OIT3: variants seen among roughly 807,000 people sequenced by gnomAD.
OIT3 encodes oncoprotein induced transcript 3, also known as oncoprotein-induced transcript 3 protein.
In OIT3, 41 loss-of-function variants were observed where a neutral mutation model predicts 52.2. That is an observed-to-expected ratio of 0.79 (90% CI 0.61 to 1.02). OIT3 has a LOEUF of 1.02. Among genes scored for constraint, OIT3 ranks in the 50% least tolerant of loss-of-function variants. The pLI, the probability that OIT3 is intolerant of heterozygous loss-of-function variation, is 0.00. For synonymous variants in OIT3, 244 were observed against 276.9 expected, an observed-to-expected ratio of 0.88 and a Z score of 1.18; for missense variants, 634 against 715.5, an observed-to-expected ratio of 0.89 and a Z score of 1.30.
At chr10:72,900,282 C>T (rs1423102909) in intron 2 of OIT3, 95 bp from the exon 3 acceptor site, 4 of 692,306 alleles carry the variant, frequency 5.8e-6, no homozygotes, top group Non-Finnish European at 1.0e-5. Flanking sequence ...CATAGGGATA[C>T]CACCCCCCCC....
intron 6 of OIT3, 77 bp downstream of exon 6, chr10:72,913,545 T>C (rs1846049240): frequency 8.7e-7 from 1 of 1,143,066 alleles, no homozygotes; most frequent in Admixed American, 1.8e-5. Context: ...AGGTATGCCA[T>C]GTGGCTTGTG....
intron 4 of OIT3, among the ~76,000 whole-genome samples, chr10:72,909,117 CTTT>C (rs35778299): frequency 3.6e-5 from 4 of 111,724 alleles, no homozygotes; most frequent in Admixed American, 9.3e-5. Flanking sequence ...TTCCCAGTGT[CTTT>C]TTTTTTTTTT....
rs558820058 is a variant in OIT3, at chr10:72,922,940, A to G, written c.952-1289A>G. 2.6e-5 allele frequency among the ~76,000 whole-genome samples: 4 copies of G among 152,062 alleles called. No individual in the cohort carries two copies. The East Asian group carries it at 7.7e-4, about 29-fold the overall frequency. On this transcript the variant is annotated intron_variant, in intron 6 of 8. Transcript: ENST00000334011. Reference sequence around the variant, plus strand: ...ACCCAGGCTGGAGTGCAGTGGTGCAATCTCAGCTCACTGCAACCTTTGTCT... The same window carrying G: ...ACCCAGGCTGGAGTGCAGTGGTGCAGTCTCAGCTCACTGCAACCTTTGTCT...
At chr10:72,930,485 T>C in intron 7 of OIT3, 53 bp from the exon 8 acceptor site, 1 of 1,342,744 alleles carries the variant, frequency 7.4e-7, no homozygotes, top group Non-Finnish European at 1.1e-6. Context: ...TAGATTGTTT[T>C]TCCACCTCTG....
intron 6 of OIT3, chr10:72,917,917 T>C: frequency 8.8e-7 from 1 of 1,137,594 alleles, no homozygotes; most frequent in Non-Finnish European, 1.3e-6. Context: ...TGTACATTTT[T>C]GGCTGGAGTA....
chr10:72,917,211 C>T (rs1554831963), intron 6 of OIT3, among the ~76,000 whole-genome samples: 1 of 152,018 alleles, frequency 6.6e-6, no homozygotes, highest in Non-Finnish European at 1.5e-5. Flanking sequence ...TTGCTTTTGG[C>T]ATCTTCATCA....
chr10:72,924,455 T>G lies in OIT3; in HGVS notation c.1178T>G (p.Ile393Ser). The G allele has an allele frequency of 1.2e-6, 2 of 1,614,114 alleles. No individual in the cohort carries two copies. The highest frequency in any genetic ancestry group is 8.5e-7 in the Non-Finnish European group (1 of 1,179,988). Residue 393 changes from isoleucine (I) to serine (S), a missense_variant, in exon 7 of 9, where the codon ATC becomes AGC. Transcript: ENST00000334011. ...GGGATCTTCCCATTCACTCTGGAGA[T>G]CTTCAAGGACAATGAGTTTGAAGAG... ...NHGIFPFTLE[I>S]FKDNEFEEPY... is the part of the protein sequence containing the mutation.
intron 1 of OIT3, among the ~76,000 whole-genome samples, chr10:72,898,454 C>A (rs1845896778): frequency 6.6e-6 from 1 of 152,290 alleles, no homozygotes; most frequent in East Asian, 1.9e-4. Context: ...TAACACTTAA[C>A]TTTAGGTTTG....
intron 7 of OIT3, among the ~76,000 whole-genome samples, chr10:72,929,931 C>G (rs748019747): frequency 2.0e-5 from 3 of 152,122 alleles, no homozygotes; most frequent in Non-Finnish European, 2.9e-5. Context: ...CCCCAAAACC[C>G]TATCAAACTG....
At chr10:72,906,891 C>A (rs1352620771) in intron 4 of OIT3, among the ~76,000 whole-genome samples, 173 bp downstream of exon 4, 1 of 152,166 alleles carries the variant, frequency 6.6e-6, no homozygotes, top group East Asian at 1.9e-4. Context: ...GGACAGAATT[C>A]AGTTTTGATT....
intron 5 of OIT3, among the ~76,000 whole-genome samples, chr10:72,912,792 G>A (rs1846040438): frequency 1.3e-5 from 2 of 152,124 alleles, no homozygotes; most frequent in South Asian, 4.1e-4. Context: ...AAGGTAAAGT[G>A]GTGAAATTTA....
intron 6 of OIT3, among the ~76,000 whole-genome samples, chr10:72,913,888 A>C (rs752992923): frequency 6.6e-6 from 1 of 152,254 alleles, no homozygotes; most frequent in Non-Finnish European, 1.5e-5. Flanking sequence ...TCATCCAAAA[A>C]TCTGCACACA....
intron 6 of OIT3, among the ~76,000 whole-genome samples, chr10:72,922,739 G>A (rs1018058765): frequency 2.0e-5 from 3 of 152,160 alleles, no homozygotes; most frequent in South Asian, 4.2e-4. Flanking sequence ...GTGGTGATGC[G>A]GTCATTTGGA....
chr10:72,929,082 C>G (rs1007720912), intron 7 of OIT3, among the ~76,000 whole-genome samples: 2 of 151,954 alleles, frequency 1.3e-5, no homozygotes, highest in East Asian at 3.9e-4. Flanking sequence ...TGGCACACAC[C>G]TATAATCCCA....
At chr10:72,903,864 G>C (rs1432015327) in intron 3 of OIT3, among the ~76,000 whole-genome samples, 4 of 151,882 alleles carry the variant, frequency 2.6e-5, no homozygotes, top group Non-Finnish European at 4.4e-5. Context: ...ATAAGTAGAA[G>C]TTTATTTCTC....
In OIT3 at chr10:72,893,860, G is replaced by T; in HGVS notation, c.61+1G>T. 6.2e-7 allele frequency: 1 copy of T among 1,608,042 alleles called. No homozygotes were observed. Among genetic ancestry groups the T allele is most frequent in the Non-Finnish European group, 8.5e-7 (1 of 1,177,232 alleles). The stretch of plus-strand genomic sequence containing the variant: ...ACAGGCACCTCCGTGTCACCCGTGG[G>T]TGAGTCTCATGTCAAGAACTTGGCA... On this transcript the variant is annotated splice_donor_variant, in intron 1 of 8. Coordinates refer to ENST00000334011, the MANE Select transcript of OIT3 (RefSeq NM_152635.3). LOFTEE classifies it high-confidence loss of function.
chr10:72,900,880 C>A (rs1036461052), intron 3 of OIT3, among the ~76,000 whole-genome samples: 1 of 152,048 alleles, frequency 6.6e-6, no homozygotes, highest in Admixed American at 6.5e-5. Context: ...CCACCCTGGG[C>A]AACAAAGAAA....
chr10:72,924,535 A>G lies in OIT3; in HGVS notation c.1258A>G (p.Ile420Val), dbSNP rs771588976. The G allele has an allele frequency of 6.2e-7, 1 of 1,614,120 alleles. No homozygotes were observed. The highest frequency in any genetic ancestry group is 1.3e-5 in the African/African-American group (1 of 75,016). ...GCTTCGTGACTCCCTCTACTTTGGC[A>G]TTGAGCCCGTGGTGCACGTGAGCGG... ...LKLRDSLYFGIEPVVHVSGLE... is the reference protein window; with the variant it reads ...LKLRDSLYFGVEPVVHVSGLE... The change falls in exon 7 of 9, where the codon ATT (isoleucine) becomes GTT (valine). Residue 420 changes from isoleucine (I) to valine (V), a missense_variant. Coordinates refer to ENST00000334011, the MANE Select transcript of OIT3 (RefSeq NM_152635.3).
chr10:72,919,508 G>T (rs1354429563), intron 6 of OIT3, among the ~76,000 whole-genome samples: 2 of 152,148 alleles, frequency 1.3e-5, no homozygotes, highest in Non-Finnish European at 2.9e-5. Flanking sequence ...GTGAGAGAGT[G>T]CATCTTTGTC....
Sources: allele counts gnomAD v4.1 joint callset (sites outside exome capture counted in the v4.1 genomes callset), GRCh38; gene constraint gnomAD v4.1.1; transcripts MANE v1.5; gene names NCBI Gene and HGNC (gene_info 2026-07-23, HGNC 2026-07-21).